Variants in LBH observed in about 807,000 individuals in gnomAD.
The protein encoded by LBH is LBH regulator of Wnt signaling pathway, also known as protein LBH.
Under a neutral mutation model 12.5 loss-of-function variants are expected in LBH, and 7 were observed. That is an observed-to-expected ratio of 0.56 (90% CI 0.32 to 1.05). LBH has a LOEUF of 1.05. Among genes scored for constraint, LBH ranks in the 50% least tolerant of loss-of-function variants. The pLI, the probability that LBH is intolerant of heterozygous loss-of-function variation, is 0.04. For synonymous variants in LBH, 51 were observed against 50.1 expected (o/e 1.02, Z -0.08); for missense variants, 119 against 138.9 (o/e 0.86, Z 0.72).
intron 1 of LBH, chr2:30,232,081 G>C (rs890108457): frequency 4.1e-5 from 63 of 1,526,322 alleles, no homozygotes; most frequent in Non-Finnish European, 5.5e-5. Flanking sequence ...CCTATGCGGA[G>C]AGCTGCAGGA....
chr2:30,249,630 A>G (rs953484675), intron 2 of LBH, among the ~76,000 whole-genome samples: 1 of 152,166 alleles, frequency 6.6e-6, no homozygotes, highest in Non-Finnish European at 1.5e-5. Flanking sequence ...GAAGTGATGA[A>G]TGAAGTTGCA....
At chr2:30,253,293 A>G (rs1678019784) in intron 2 of LBH, among the ~76,000 whole-genome samples, 1 of 152,210 alleles carries the variant, frequency 6.6e-6, no homozygotes. Flanking sequence ...TTGTGCTGGC[A>G]AATTACTCAG....
At chr2:30,232,007 G>C in intron 1 of LBH, 2 of 1,110,524 alleles carry the variant, frequency 1.8e-6, no homozygotes, top group Non-Finnish European at 1.2e-6. Flanking sequence ...GTGACGGCCG[G>C]AGGGTTTGTA....
intron 2 of LBH, among the ~76,000 whole-genome samples, chr2:30,256,237 C>T (rs1678082957): frequency 6.6e-6 from 1 of 152,172 alleles, no homozygotes. Flanking sequence ...GGAGTTTCTG[C>T]CAGCTCTGGG....
chr2:30,247,053 T>TC (rs1225136262), intron 2 of LBH, among the ~76,000 whole-genome samples: 8 of 151,994 alleles, frequency 5.3e-5, no homozygotes, highest in African/African-American at 1.9e-4. Context: ...AATCCCGGCC[T>TC]CCAGCAGTCC....
intron 2 of LBH, among the ~76,000 whole-genome samples, chr2:30,241,460 C>CTT (rs777223190): frequency 0.17 from 22,313 of 132,350 alleles, 2,520 homozygotes; most frequent in Non-Finnish European, 0.24. Context: ...TTCTTTCTTT[C>CTT]TTTTTTTTTT....
intron 2 of LBH, among the ~76,000 whole-genome samples, chr2:30,249,315 A>T (rs1176997768): frequency 6.6e-6 from 1 of 152,206 alleles, no homozygotes; most frequent in Non-Finnish European, 1.5e-5. Context: ...TGGGTTTTTT[A>T]TTTGAATTAG....
intron 2 of LBH, among the ~76,000 whole-genome samples, chr2:30,254,234 T>G (rs886329707): frequency 9.9e-5 from 15 of 152,190 alleles, no homozygotes; most frequent in Non-Finnish European, 2.2e-4. Flanking sequence ...AGACTCAATG[T>G]GAGATTAACA....
intron 2 of LBH, among the ~76,000 whole-genome samples, chr2:30,239,330 C>T (rs1266485312): frequency 1.3e-5 from 2 of 152,114 alleles, no homozygotes; most frequent in Non-Finnish European, 2.9e-5. Context: ...GTTTCTGGTC[C>T]GTGGCCTCTG....
chr2:30,256,289 G>A (rs1001202), intron 2 of LBH, among the ~76,000 whole-genome samples: 3 of 151,994 alleles, frequency 2.0e-5, no homozygotes, highest in Non-Finnish European at 2.9e-5. Flanking sequence ...CCTGGCTGAC[G>A]GGACTCTGGA....
Position 30,257,849 on chromosome 2 carries a change from C to A in LBH, c.*228C>A. On this transcript the variant is annotated 3_prime_UTR_variant, in exon 3 of 3. Transcript: ENST00000395323. ...GCCCTCTGACAATTTGCAAGGCCCT[C>A]TGAGAAAGGAAGCTGCTTAGAGCCA... The A allele has an allele frequency of 2.6e-6, 1 of 383,940 alleles. No individual in the cohort carries two copies. The highest frequency in any genetic ancestry group is 4.6e-6 in the Non-Finnish European group (1 of 216,676). 23.8% of individuals were successfully genotyped at this position (383,940 alleles called of 1,614,324 possible).
intron 2 of LBH, among the ~76,000 whole-genome samples, chr2:30,235,705 A>C (rs1053411355): frequency 6.2e-5 from 9 of 145,024 alleles, no homozygotes; most frequent in African/African-American, 2.4e-4. Context: ...AAAAAAAAAA[A>C]TCAAATAGAA....
At chr2:30,232,075 T>C in intron 1 of LBH, 1 of 1,516,944 alleles carries the variant, frequency 6.6e-7, no homozygotes. Context: ...AACCACCCTA[T>C]GCGGAGAGCT....
chr2:30,252,442 C>G (rs1173266987), intron 2 of LBH, among the ~76,000 whole-genome samples: 9 of 152,142 alleles, frequency 5.9e-5, no homozygotes, highest in Admixed American at 2.0e-4. Flanking sequence ...GCGGGCGGAT[C>G]ATGAGGTCAG....
rs181385624 is a variant in LBH at position 30,246,358 on chromosome 2, A to C, written c.130-11075A>C. Among the ~76,000 whole-genome samples the C allele has an allele frequency of 2.6e-5, 4 of 152,170 alleles. No homozygotes were observed. In the East Asian group the frequency reaches 7.7e-4, roughly 29 times the overall value. ...CTTAAAACTTATTTTAGGACTACCC[A>C]AAGAGCTTCTGTTCATGATTATGTC... On this transcript the variant is annotated intron_variant, in intron 2 of 2. Coordinates refer to ENST00000395323, the MANE Select transcript of LBH (RefSeq NM_030915.4).
At chr2:30,233,317 A>C (rs1449934388) in intron 1 of LBH, among the ~76,000 whole-genome samples, 3 of 152,272 alleles carry the variant, frequency 2.0e-5, no homozygotes, top group Admixed American at 6.5e-5. Context: ...GAGAAGTTAC[A>C]GGACCTGTTC....
rs1322821371 is a variant in LBH at position 30,234,266 on chromosome 2, G to A, written c.27-139G>A. ...AGGCGCTTCCTCAGGGTGTGAGCTT[G>A]TTTTGCTGCAAGTTCTGTTTTGAAC... On this transcript the variant is annotated intron_variant, in intron 1 of 2. Coordinates refer to ENST00000395323, the MANE Select transcript of LBH (RefSeq NM_030915.4). 1.0e-5 allele frequency: 7 copies of A among 687,072 alleles called. No homozygotes were observed. The South Asian group carries it at 1.2e-4, about 12-fold the overall frequency. The allele number at this position is 687,072 out of a possible 1,614,324, so 42.6% of individuals were successfully genotyped here.
At position 30,257,539 on chromosome 2, in the gene LBH, G is replaced by A; in HGVS notation, c.236G>A (p.Arg79Gln). ...GGGGAGGTGGAGAGCGGGGAGCTCC[G>A]GTGGCCCCCTGAGGAGTTCCTGGTC... is the stretch of plus-strand genomic sequence containing the variant. ...TEGEVESGEL[R>Q]WPPEEFLVQE... The change falls in exon 3 of 3, where the codon CGG (arginine) becomes CAG (glutamine). Residue 79 changes from arginine to glutamine, a missense_variant. Physicochemically the swap from Arg to Gln is conservative, Grantham distance 43. Coordinates refer to ENST00000395323, the MANE Select transcript of LBH (RefSeq NM_030915.4). The A allele has an allele frequency of 1.2e-6, 2 of 1,614,158 alleles. No homozygotes were observed. The highest frequency in any genetic ancestry group is 1.1e-5 in the South Asian group (1 of 91,080).
At chr2:30,254,621 T>TC (rs1159620223) in intron 2 of LBH, among the ~76,000 whole-genome samples, 13 of 116,148 alleles carry the variant, frequency 1.1e-4, no homozygotes, top group Non-Finnish European at 1.8e-4. Context: ...CTCCTCCCCC[T>TC]CCCCCCCTCC....
Sources: allele counts gnomAD v4.1 joint callset (sites outside exome capture counted in the v4.1 genomes callset), GRCh38; gene constraint gnomAD v4.1.1; transcripts MANE v1.5; gene names NCBI Gene and HGNC (gene_info 2026-07-23, HGNC 2026-07-21).